The following SEMA6D variants were observed in gnomAD, a reference collection of about 807,000 sequenced individuals.
SEMA6D encodes semaphorin-6D.
In SEMA6D, 35 loss-of-function variants were observed where a neutral mutation model predicts 106.6. The ratio of observed to expected loss-of-function variants is 0.33; its 90% CI spans 0.25 to 0.44. The LOEUF (loss-of-function observed/expected upper bound fraction) is 0.44. SEMA6D is among the 20% of genes least tolerant of loss of function. The pLI is 1.00. For missense variants in SEMA6D, 1,185 were observed against 1,345.9 expected (o/e 0.88, Z 1.87); for synonymous variants, 499 against 487.7 (o/e 1.02, Z -0.31).
chr15:47,236,194 A>G (rs2032527209), intron 1 of SEMA6D, among the ~76,000 whole-genome samples: 1 of 152,100 alleles, frequency 6.6e-6, no homozygotes, highest in Non-Finnish European at 1.5e-5. Flanking sequence ...TTCAGGGAGA[A>G]TCATGTTCTT....
chr15:47,306,936 G>A (rs183368499), intron 1 of SEMA6D, among the ~76,000 whole-genome samples: 44 of 152,126 alleles, frequency 2.9e-4, no homozygotes, highest in Admixed American at 2.9e-3. Flanking sequence ...TTATATATGT[G>A]CGTATGCCAC....
intron 3 of SEMA6D, among the ~76,000 whole-genome samples, chr15:47,553,207 CT>C (rs1212697326): frequency 3.3e-5 from 5 of 151,820 alleles, no homozygotes; most frequent in African/African-American, 1.2e-4. Context: ...CCCAGCCAAC[CT>C]GTTTCAATTT....
chr15:47,269,018 A>G (rs1033557989), intron 1 of SEMA6D, among the ~76,000 whole-genome samples: 1 of 152,142 alleles, frequency 6.6e-6, no homozygotes, highest in South Asian at 2.1e-4. Context: ...AAAACAGTTG[A>G]CATTTGGGGC....
intron 1 of SEMA6D, among the ~76,000 whole-genome samples, chr15:47,323,512 G>A (rs1054255380): frequency 2.0e-5 from 3 of 152,172 alleles, no homozygotes; most frequent in Admixed American, 6.5e-5. Flanking sequence ...TTGGGAAAAA[G>A]CACCATTTGA....
At position 47,763,026 on chromosome 15, in the gene SEMA6D, T is replaced by C; in HGVS notation, c.669T>C (p.Phe223=). The C allele has an allele frequency of 6.2e-7, 1 of 1,610,358 alleles. No individual in the cohort carries two copies. Among genetic ancestry groups the C allele is most frequent in the Non-Finnish European group, 8.5e-7 (1 of 1,178,490 alleles). The change falls in exon 9 of 19, where the codon TTT becomes TTC. Residue 223 remains phenylalanine (F), a synonymous_variant. Transcript: ENST00000536845. ...YDSKWIKEPH[F]LHAIEYGNYV... ...TAATTTTTCTTTCAGAGCCACACTT[T>C]CTTCATGCCATAGAATATGGAAACT... is the stretch of plus-strand genomic sequence containing the variant.
intron 3 of SEMA6D, among the ~76,000 whole-genome samples, chr15:47,500,540 C>CT (rs1484758537): frequency 5.3e-5 from 8 of 152,080 alleles, no homozygotes; most frequent in Admixed American, 5.2e-4. Flanking sequence ...TCTCCACTGT[C>CT]TTTAAAATAC....
intron 1 of SEMA6D, among the ~76,000 whole-genome samples, chr15:47,212,100 CATTAAA>C (rs1378844316): frequency 1.3e-5 from 2 of 152,152 alleles, no homozygotes; most frequent in African/African-American, 4.8e-5. Context: ...GTAAAAGGTA[CATTAAA>C]ATTAAGTAAT....
At chr15:47,484,197 G>T (rs779276347) in intron 3 of SEMA6D, among the ~76,000 whole-genome samples, 1 of 152,102 alleles carries the variant, frequency 6.6e-6, no homozygotes, top group Non-Finnish European at 1.5e-5. Flanking sequence ...TGTGGCAGCA[G>T]GAAGGGTATT....
rs2032364779 is a variant in SEMA6D, at chr15:47,233,789, A to G, written c.-239+49371A>G. Among the ~76,000 whole-genome samples the G allele has an allele frequency of 2.0e-5, 3 of 152,066 alleles. No individual in the cohort carries two copies. The South Asian group carries it at 6.2e-4, about 32-fold the overall frequency. On this transcript the variant is annotated intron_variant, in intron 1 of 19. Transcript: ENST00000558014. Reference sequence around the variant, plus strand: ...TGTATCCTACAACTTTATTGAATTTATTTATTTATTAGCTCTAACAACTTT... The same window carrying G: ...TGTATCCTACAACTTTATTGAATTTGTTTATTTATTAGCTCTAACAACTTT...
At chr15:47,446,182 C>G (rs1455645818) in intron 2 of SEMA6D, among the ~76,000 whole-genome samples, 1 of 152,108 alleles carries the variant, frequency 6.6e-6, no homozygotes, top group Non-Finnish European at 1.5e-5. Context: ...GACCCCCACC[C>G]CCACTCCCAC....
At chr15:47,668,608 C>T (rs1029163279) in intron 4 of SEMA6D, among the ~76,000 whole-genome samples, 2 of 152,160 alleles carry the variant, frequency 1.3e-5, no homozygotes, top group African/African-American at 2.4e-5. Flanking sequence ...GAGTGAGACC[C>T]TTTGAAGATT....
chr15:47,693,292 C>A (rs1450338379), intron 4 of SEMA6D, among the ~76,000 whole-genome samples: 1 of 152,146 alleles, frequency 6.6e-6, no homozygotes, highest in East Asian at 1.9e-4. Context: ...CCTCAAAGCT[C>A]TCAGAGGGAA....
At chr15:47,538,877 C>T (rs141178197) in intron 3 of SEMA6D, among the ~76,000 whole-genome samples, 1 of 152,062 alleles carries the variant, frequency 6.6e-6, no homozygotes, top group Non-Finnish European at 1.5e-5. Flanking sequence ...AGAACAGACA[C>T]ACCTTTAACA....
chr15:47,236,221 C>A (rs766950624), intron 1 of SEMA6D, among the ~76,000 whole-genome samples: 37 of 151,946 alleles, frequency 2.4e-4, no homozygotes, highest in Admixed American at 2.2e-3. Flanking sequence ...TTTTAATCTG[C>A]CATTTTCTGT....
Position 47,762,272 on chromosome 15 carries a change from A to G in SEMA6D, c.611A>G (p.Asp204Gly). The G allele has an allele frequency of 6.2e-7, 1 of 1,613,684 alleles. No individual in the cohort carries two copies. The highest frequency in any genetic ancestry group is 8.5e-7 in the Non-Finnish European group (1 of 1,179,650). The change falls in exon 8 of 19, where the codon GAT (aspartate) becomes GGT (glycine). Residue 204 changes from aspartate (D) to glycine (G), a missense_variant. Around this residue, in one of 3 missense-constraint regions of SEMA6D, gnomAD observed 291 missense variants for 423.8 expected, o/e 0.69. Transcript: ENST00000536845. ...GCCGTTATTTATCGAAGCATGGGTG[A>G]TGGATCTGCCCTTCGCACAATAAAA... ...SDAVIYRSMGDGSALRTIKYD... is the reference protein window; with the variant it reads ...SDAVIYRSMGGGSALRTIKYD...
intron 1 of SEMA6D, among the ~76,000 whole-genome samples, chr15:47,403,890 G>A (rs1165638380): frequency 6.6e-6 from 1 of 152,134 alleles, no homozygotes; most frequent in Non-Finnish European, 1.5e-5. Flanking sequence ...ATTATATACA[G>A]GATGGACTGA....
At chr15:47,673,641 T>A (rs2145438192) in intron 4 of SEMA6D, among the ~76,000 whole-genome samples, 1 of 152,178 alleles carries the variant, frequency 6.6e-6, no homozygotes, top group Admixed American at 6.5e-5. Context: ...ACCCAGTCTA[T>A]GGGGCAAGAC....
At chr15:47,742,533 G>T (rs1596926334) in intron 1 of SEMA6D, among the ~76,000 whole-genome samples, 1 of 152,208 alleles carries the variant, frequency 6.6e-6, no homozygotes, top group Non-Finnish European at 1.5e-5. Context: ...AGGGCCTGGG[G>T]ACTGGTGATT....
At chr15:47,633,329 A>T (rs2077325122) in intron 4 of SEMA6D, among the ~76,000 whole-genome samples, 1 of 151,992 alleles carries the variant, frequency 6.6e-6, no homozygotes, top group African/African-American at 2.4e-5. Flanking sequence ...CTAACAGCAA[A>T]TTATCTTAGT....
Sources: gnomAD v4.1 joint callset for allele counts (sites outside exome capture counted in the v4.1 genomes callset) on GRCh38, gnomAD v4.1.1 for gene constraint, gnomAD v4.1.1 regional missense constraint, MANE v1.5 for transcripts, NCBI Gene and HGNC (gene_info 2026-07-23, HGNC 2026-07-21) for gene names.